Variants in SPTLC1 observed in about 807,000 individuals in gnomAD.
The protein encoded by SPTLC1 is serine palmitoyltransferase 1.
Under a neutral mutation model 68.9 loss-of-function variants are expected in SPTLC1, and 55 were observed. The ratio of observed to expected loss-of-function variants is 0.80; its 90% CI spans 0.64 to 1.00. SPTLC1 has a LOEUF of 1.00. SPTLC1 is among the 50% of genes least tolerant of loss of function. SPTLC1 has a pLI of 0.00. For synonymous variants in SPTLC1, 197 were observed against 201.6 expected (o/e 0.98, Z 0.19); for missense variants, 449 against 573.1 (o/e 0.78, Z 2.21).
At chr9:92,101,988 A>C (rs181581772) in intron 3 of SPTLC1, among the ~76,000 whole-genome samples, 1 of 152,266 alleles carries the variant, frequency 6.6e-6, no homozygotes, top group African/African-American at 2.4e-5. Context: ...GGCACATTAT[A>C]ATCAATTTGT....
At chr9:92,067,300 C>T (rs1451777400) in intron 6 of SPTLC1, among the ~76,000 whole-genome samples, 3 of 133,940 alleles carry the variant, frequency 2.2e-5, no homozygotes, top group African/African-American at 3.4e-5. Context: ...CTCCATCTCA[C>T]ACACAAAAAA....
intron 14 of SPTLC1, among the ~76,000 whole-genome samples, chr9:92,033,541 C>T (rs115091821): frequency 0.018 from 2,741 of 151,840 alleles, 67 homozygotes; most frequent in African/African-American, 0.06. Flanking sequence ...AACAAGTAAA[C>T]GTAGGATGTA....
chr9:92,042,117 CA>C (rs891014932), intron 12 of SPTLC1, among the ~76,000 whole-genome samples: 6 of 152,090 alleles, frequency 3.9e-5, no homozygotes, highest in African/African-American at 1.4e-4. Flanking sequence ...AACCACAAAA[CA>C]AAACAAAACT....
intron 12 of SPTLC1, among the ~76,000 whole-genome samples, chr9:92,039,419 T>C (rs916052053): frequency 2.6e-5 from 4 of 151,712 alleles, no homozygotes; most frequent in South Asian, 4.2e-4. Context: ...CATACTACTA[T>C]TATTATTATT....
At chr9:92,033,721 A>C (rs1262946011) in intron 14 of SPTLC1, among the ~76,000 whole-genome samples, 1 of 152,070 alleles carries the variant, frequency 6.6e-6, no homozygotes, top group Admixed American at 6.5e-5. Flanking sequence ...ATGCCTGGCT[A>C]ATTTTTACAG....
Position 92,038,240 on chromosome 9 carries a change from A to ATCTACAATTTCCT in SPTLC1, c.1254+7_1254+8insAGGAAATTGTAGA. On this transcript the variant is annotated splice_region_variant and intron_variant, in intron 13 of 14. Transcript: ENST00000262554. ...GTGGGGGGATGCCTCAAGTCAACGG[A>ATCTACAATTTCCT]TACTTACTTGATCTACAATTTCCTG... 7.0e-6 allele frequency: 11 copies of ATCTACAATTTCCT among 1,573,004 alleles called. No individual in the cohort carries two copies. The highest frequency in any genetic ancestry group is 9.6e-6 in the Non-Finnish European group (11 of 1,143,276).
At chr9:92,051,575 C>T (rs1833705398) in intron 8 of SPTLC1, among the ~76,000 whole-genome samples, 2 of 152,174 alleles carry the variant, frequency 1.3e-5, no homozygotes, top group Non-Finnish European at 2.9e-5. Context: ...GACAAAGATG[C>T]TCATTTTCGC....
chr9:92,082,143 G>A (rs1376238042), intron 3 of SPTLC1, among the ~76,000 whole-genome samples: 2 of 152,034 alleles, frequency 1.3e-5, no homozygotes, highest in Non-Finnish European at 2.9e-5. Context: ...TACCTCTCAG[G>A]GAAATTGCTA....
intron 8 of SPTLC1, chr9:92,050,811 A>ATTTTTTTTATTTTT (rs1833681059): frequency 9.5e-6 from 1 of 104,978 alleles, no homozygotes; most frequent in Admixed American, 1.1e-4. Flanking sequence ...CACAATACTG[A>ATTTTTTTTATTTTT]TTTTTTTTTT....
At chr9:92,083,146 T>G (rs1027295533) in intron 3 of SPTLC1, among the ~76,000 whole-genome samples, 3 of 152,014 alleles carry the variant, frequency 2.0e-5, no homozygotes, top group African/African-American at 4.8e-5. Context: ...ATTAGCCCTT[T>G]GTCAGATGAG....
At chr9:92,078,417 A>G (rs1278304478) in intron 5 of SPTLC1, among the ~76,000 whole-genome samples, 2 of 152,228 alleles carry the variant, frequency 1.3e-5, no homozygotes, top group African/African-American at 2.4e-5. Context: ...TTATTTCTTC[A>G]AACTTGCCAT....
chr9:92,106,386 A>G (rs1835986958), intron 3 of SPTLC1, among the ~76,000 whole-genome samples: 2 of 150,766 alleles, frequency 1.3e-5, no homozygotes, highest in Non-Finnish European at 3.0e-5. Context: ...AGGCAGGAGA[A>G]TGGCTTGAAC....
intron 3 of SPTLC1, among the ~76,000 whole-genome samples, chr9:92,090,517 C>A (rs1475452168): frequency 6.6e-6 from 1 of 151,826 alleles, no homozygotes; most frequent in Non-Finnish European, 1.5e-5. Flanking sequence ...GAGGCGGAGG[C>A]AGGAGAATCC....
In SPTLC1 at chr9:92,050,042, G is replaced by C. The variant is rs1833654335; in HGVS notation, c.806C>G (p.Ala269Gly). 1 of 1,613,196 alleles carries C rather than the reference G, an allele frequency of 6.2e-7. No homozygotes were observed. Among genetic ancestry groups the C allele is most frequent in the Non-Finnish European group, 8.5e-7 (1 of 1,179,194 alleles). Residue 269 changes from alanine to glycine, a missense_variant, in exon 9 of 15, where the codon GCA (alanine) becomes GGA (glycine). This residue lies in a region of SPTLC1 where 391 missense variants were observed against 472.1 expected (regional missense o/e 0.83). Coordinates refer to ENST00000262554, the MANE Select transcript of SPTLC1 (RefSeq NM_006415.4). ...AAGGCTTTCCTCCAGGAAGATTCTT[G>C]CTTTGTATTTGTATTTTAACTTAAC... ...ELVKLKYKYK[A>G]RIFLEESLSF...
chr9:92,101,506 G>A (rs1835747972), intron 3 of SPTLC1, among the ~76,000 whole-genome samples: 1 of 139,176 alleles, frequency 7.2e-6, no homozygotes, highest in Non-Finnish European at 1.5e-5. Context: ...AGCTTGCAGT[G>A]AGCCGAGATC....
intron 3 of SPTLC1, among the ~76,000 whole-genome samples, chr9:92,085,220 G>GT (rs1203639931): frequency 4.7e-5 from 7 of 149,736 alleles, no homozygotes; most frequent in Non-Finnish European, 1.0e-4. Context: ...TTTTTGAAGG[G>GT]TTTTTTGTGT....
intron 8 of SPTLC1, chr9:92,055,042 C>G (rs1833837456): frequency 6.1e-6 from 1 of 164,730 alleles, no homozygotes; most frequent in Admixed American, 6.5e-5. Flanking sequence ...CTGGGTAACG[C>G]AGTGAGACCC....
At chr9:92,082,307 C>G (rs1421177848) in intron 3 of SPTLC1, among the ~76,000 whole-genome samples, 2 of 151,902 alleles carry the variant, frequency 1.3e-5, no homozygotes, top group East Asian at 1.9e-4. Context: ...AGTTACATAT[C>G]TATACATGTG....
chr9:92,103,685 C>G (rs1437657109), intron 3 of SPTLC1, among the ~76,000 whole-genome samples: 1 of 152,354 alleles, frequency 6.6e-6, no homozygotes, highest in Non-Finnish European at 1.5e-5. Context: ...CTTGAGGCCA[C>G]GGCAGCCATG....
Sources: allele counts gnomAD v4.1 joint callset (sites outside exome capture counted in the v4.1 genomes callset), GRCh38; gene constraint gnomAD v4.1.1; regional missense constraint gnomAD v4.1.1; transcripts MANE v1.5; gene names NCBI Gene and HGNC (gene_info 2026-07-23, HGNC 2026-07-21).